CAST: variants seen among roughly 807,000 people sequenced by gnomAD.
CAST encodes the protein MIR583 host.
In CAST, 76 loss-of-function variants were observed where a neutral mutation model predicts 119.6. The observed-to-expected ratio is 0.64, with a 90% confidence interval of 0.53 to 0.77. The LOEUF (loss-of-function observed/expected upper bound fraction) is 0.77. CAST is among the 30% of genes least tolerant of loss of function. CAST has a pLI of 0.00. For missense variants in CAST, 953 were observed against 946.5 expected (o/e 1.01, Z -0.09); for synonymous variants, 319 against 331.6 (o/e 0.96, Z 0.41).
the CAST span, among the ~76,000 whole-genome samples, chr5:96,245,441 C>G: frequency 5.9e-5 from 9 of 152,256 alleles, no homozygotes; most frequent in South Asian, 1.7e-3. Context: ...TAGGAGTGTA[C>G]AGAAAACTGT....
At chr5:96,521,938 AC>A, upstream of CAST, among the ~76,000 whole-genome samples, 1 of 152,182 alleles carries the variant, frequency 6.6e-6, no homozygotes, top group East Asian at 1.9e-4. Context: ...ACATGGTGAA[AC>A]CCCATCTCTA....
At chr5:96,417,376 A>G in the CAST span, among the ~76,000 whole-genome samples, 3 of 152,018 alleles carry the variant, frequency 2.0e-5, no homozygotes, top group African/African-American at 7.2e-5. Context: ...TGCTTCTTTT[A>G]TGTATGCTAG....
chr5:96,509,020 T>G, the CAST span, among the ~76,000 whole-genome samples: 1 of 152,228 alleles, frequency 6.6e-6, no homozygotes, highest in Non-Finnish European at 1.5e-5. Context: ...TACATGTGCT[T>G]AAAATCGTCA....
chr5:96,078,176 T>C, the CAST span, among the ~76,000 whole-genome samples: 2 of 152,314 alleles, frequency 1.3e-5, no homozygotes, highest in East Asian at 1.9e-4. Flanking sequence ...CCGACCCTCA[T>C]GTCCTTATCT....
chr5:96,116,762 T>C, the CAST span, among the ~76,000 whole-genome samples: 1 of 152,246 alleles, frequency 6.6e-6, no homozygotes, highest in South Asian at 2.1e-4. Context: ...TTTAGCTTAC[T>C]TTTTTAAAAA....
chr5:96,543,290 C>G (rs186034328), intron 1 of CAST, among the ~76,000 whole-genome samples: 50 of 152,240 alleles, frequency 3.3e-4, no homozygotes, highest in African/African-American at 1.2e-3. Flanking sequence ...GAACAGAAAA[C>G]CAAGCACCAC....
the CAST span, among the ~76,000 whole-genome samples, chr5:96,269,571 G>C: frequency 6.6e-6 from 1 of 152,074 alleles, no homozygotes; most frequent in Non-Finnish European, 1.5e-5. Context: ...AAACAAAAGG[G>C]AAACATAACA....
intron 3 of CAST, among the ~76,000 whole-genome samples, chr5:96,711,919 G>T (rs1012113766): frequency 6.6e-6 from 1 of 152,130 alleles, no homozygotes; most frequent in Non-Finnish European, 1.5e-5. Flanking sequence ...TTGGACATTT[G>T]ATATGGGCAG....
At chr5:96,245,504 A>G in the CAST span, among the ~76,000 whole-genome samples, 13 of 152,160 alleles carry the variant, frequency 8.5e-5, no homozygotes, top group South Asian at 2.1e-4. Flanking sequence ...TCTCCCTGTT[A>G]AGCAATAGAA....
chr5:96,491,719 A>G, the CAST span, among the ~76,000 whole-genome samples: 1 of 152,110 alleles, frequency 6.6e-6, no homozygotes, highest in Non-Finnish European at 1.5e-5. Flanking sequence ...TAGTCATAGT[A>G]GCAGCATTTG....
chr5:95,987,728 A>T, the CAST span, among the ~76,000 whole-genome samples: 1 of 152,226 alleles, frequency 6.6e-6, no homozygotes. Context: ...AAAGGTAGCC[A>T]TGTGGCACAC....
the CAST span, among the ~76,000 whole-genome samples, chr5:96,388,196 G>A: frequency 6.6e-6 from 1 of 152,212 alleles, no homozygotes; most frequent in South Asian, 2.1e-4. Context: ...AGAATGATGG[G>A]CGCATAATGA....
the CAST span, among the ~76,000 whole-genome samples, chr5:96,259,606 G>C: frequency 6.6e-6 from 1 of 152,148 alleles, no homozygotes; most frequent in Non-Finnish European, 1.5e-5. Context: ...CGATCACAGT[G>C]AGCCCTGTTC....
chr5:96,244,020 A>T, the CAST span, among the ~76,000 whole-genome samples: 1 of 152,216 alleles, frequency 6.6e-6, no homozygotes, highest in Admixed American at 6.5e-5. Flanking sequence ...CACTCTTATT[A>T]TTCTTAAGCA....
the CAST span, among the ~76,000 whole-genome samples, chr5:96,319,187 T>C: frequency 4.6e-5 from 7 of 152,112 alleles, no homozygotes; most frequent in Admixed American, 2.6e-4. Flanking sequence ...CTAACTCTCA[T>C]GTGAACTAAC....
At chr5:96,528,100 C>T (rs374851789), upstream of CAST, among the ~76,000 whole-genome samples, 33 of 152,188 alleles carry the variant, frequency 2.2e-4, no homozygotes, top group East Asian at 6.2e-3. Flanking sequence ...GGACAGATTC[C>T]AAGTTTATGC....
At chr5:96,770,755 G>A (rs924124785) in intron 30 of CAST, among the ~76,000 whole-genome samples, 153 bp downstream of exon 30, 4 of 152,134 alleles carry the variant, frequency 2.6e-5, no homozygotes, top group Non-Finnish European at 4.4e-5. Context: ...TAAAGTAATT[G>A]AATTTGTATA....
upstream of CAST, among the ~76,000 whole-genome samples, chr5:96,521,618 T>C (rs1745520147): frequency 6.6e-6 from 1 of 152,206 alleles, no homozygotes; most frequent in African/African-American, 2.4e-5. Context: ...GATATTGCAA[T>C]GATTTATTTA....
the CAST span, chr5:95,961,564 G>C: frequency 6.4e-7 from 1 of 1,573,410 alleles, no homozygotes; most frequent in Non-Finnish European, 8.6e-7. Context: ...CCTGCCGGCC[G>C]GCCCGCTCAC....
Sources: gnomAD v4.1 joint callset for allele counts (sites outside exome capture counted in the v4.1 genomes callset) on GRCh38, gnomAD v4.1.1 for gene constraint, MANE v1.5 for transcripts, NCBI Gene and HGNC (gene_info 2026-07-23, HGNC 2026-07-21) for gene names.